Variants in PRKCE observed in about 807,000 individuals in gnomAD.
PRKCE encodes protein kinase C epsilon.
Under a neutral mutation model 85.4 loss-of-function variants are expected in PRKCE, and 16 were observed. The ratio of observed to expected loss-of-function variants is 0.19; its 90% CI spans 0.13 to 0.28. The LOEUF is 0.28. Among genes scored for constraint, PRKCE ranks in the 10% least tolerant of loss-of-function variants. The pLI is 1.00. For missense variants in PRKCE, 573 were observed against 975.2 expected (o/e 0.59, Z 5.49); for synonymous variants, 388 against 371.5 (o/e 1.04, Z -0.51).
At chr2:45,851,404 G>T (rs935881959) in intron 2 of PRKCE, among the ~76,000 whole-genome samples, 4 of 152,176 alleles carry the variant, frequency 2.6e-5, no homozygotes, top group Non-Finnish European at 5.9e-5. Context: ...AGAAATTCCT[G>T]CCCTCATGGG....
intron 10 of PRKCE, among the ~76,000 whole-genome samples, chr2:46,019,175 T>G (rs190734719): frequency 6.6e-6 from 1 of 152,384 alleles, no homozygotes; most frequent in Non-Finnish European, 1.5e-5. Context: ...CTTTATAACA[T>G]TAATGAGAAA....
intron 6 of PRKCE, among the ~76,000 whole-genome samples, chr2:46,000,068 A>G (rs917608744): frequency 4.6e-5 from 7 of 152,108 alleles, no homozygotes; most frequent in Non-Finnish European, 4.4e-5. Flanking sequence ...TCCCAGTCAG[A>G]TAATTCCAGC....
intron 10 of PRKCE, among the ~76,000 whole-genome samples, chr2:46,058,451 T>C (rs565344431): frequency 6.6e-6 from 1 of 152,282 alleles, no homozygotes; most frequent in Non-Finnish European, 1.5e-5. Context: ...CAACCAAACT[T>C]CAACTAAAGA....
chr2:45,716,881 A>T (rs1680169585), intron 1 of PRKCE, among the ~76,000 whole-genome samples: 1 of 152,202 alleles, frequency 6.6e-6, no homozygotes, highest in Admixed American at 6.5e-5. Context: ...TGGCAGCAGA[A>T]AGGAGAAGAA....
intron 2 of PRKCE, among the ~76,000 whole-genome samples, chr2:45,864,375 C>T (rs1248675241): frequency 3.9e-5 from 6 of 152,238 alleles, no homozygotes; most frequent in Non-Finnish European, 8.8e-5. Flanking sequence ...GTCTTAAGTC[C>T]TACCACACCA....
intron 6 of PRKCE, among the ~76,000 whole-genome samples, chr2:45,995,028 C>G (rs1704105778): frequency 6.6e-6 from 1 of 152,152 alleles, no homozygotes; most frequent in Non-Finnish European, 1.5e-5. Flanking sequence ...TTTGTAATTT[C>G]CTAATGACAC....
At chr2:46,032,858 G>A (rs1296811999) in intron 10 of PRKCE, among the ~76,000 whole-genome samples, 1 of 152,214 alleles carries the variant, frequency 6.6e-6, no homozygotes, top group Non-Finnish European at 1.5e-5. Context: ...TCCCAGCTGA[G>A]ACTTCCACAT....
intron 2 of PRKCE, among the ~76,000 whole-genome samples, chr2:45,972,855 G>T (rs931917433): frequency 2.0e-5 from 3 of 152,234 alleles, no homozygotes; most frequent in East Asian, 1.9e-4. Context: ...CTTTAATATG[G>T]TTCCTATCAA....
At chr2:46,121,516 C>A (rs1673312216) in intron 11 of PRKCE, among the ~76,000 whole-genome samples, 1 of 152,180 alleles carries the variant, frequency 6.6e-6, no homozygotes, top group African/African-American at 2.4e-5. Flanking sequence ...GTCTGTACAG[C>A]ATCACACAGT....
At chr2:45,719,228 A>G (rs2104444288) in intron 1 of PRKCE, among the ~76,000 whole-genome samples, 1 of 152,270 alleles carries the variant, frequency 6.6e-6, no homozygotes, top group East Asian at 1.9e-4. Flanking sequence ...CCCCAGCCCT[A>G]CCCCAGCCTC....
intron 1 of PRKCE, among the ~76,000 whole-genome samples, chr2:45,744,481 C>CTT (rs1558623753): frequency 3.9e-3 from 168 of 42,946 alleles, no homozygotes; most frequent in African/African-American, 0.015. Context: ...TTCTTTCTTT[C>CTT]TTTCTTTTTC....
chr2:45,799,488 G>A (rs1687691262), intron 1 of PRKCE, among the ~76,000 whole-genome samples: 1 of 152,122 alleles, frequency 6.6e-6, no homozygotes, highest in Non-Finnish European at 1.5e-5. Context: ...AGGAGTTGGA[G>A]GCTGTTGTGC....
At chr2:45,885,719 G>A (rs957199390) in intron 2 of PRKCE, among the ~76,000 whole-genome samples, 6 of 152,166 alleles carry the variant, frequency 3.9e-5, no homozygotes, top group African/African-American at 1.4e-4. Flanking sequence ...AATTTTGGGG[G>A]TTAGGGCAAC....
chr2:46,125,265 G>C (rs1424095543), intron 11 of PRKCE, among the ~76,000 whole-genome samples: 1 of 152,254 alleles, frequency 6.6e-6, no homozygotes, highest in East Asian at 1.9e-4. Flanking sequence ...TGATAGGAAG[G>C]GAAAATAGGC....
chr2:45,653,446 T>G (rs113294274), intron 1 of PRKCE, among the ~76,000 whole-genome samples: 3,326 of 150,686 alleles, frequency 0.022, 120 homozygotes, highest in African/African-American at 0.076. Flanking sequence ...TTTTGTGTTT[T>G]CAGGTTTGTT....
intron 11 of PRKCE, among the ~76,000 whole-genome samples, chr2:46,103,339 C>T (rs1159744174): frequency 6.6e-6 from 1 of 152,232 alleles, no homozygotes; most frequent in African/African-American, 2.4e-5. Flanking sequence ...AGCCATTTTC[C>T]TAAGGATCCC....
chr2:45,825,618 T>A (rs1019995372), intron 1 of PRKCE, among the ~76,000 whole-genome samples: 1 of 152,188 alleles, frequency 6.6e-6, no homozygotes, highest in South Asian at 2.1e-4. Flanking sequence ...GCCCAGTAGC[T>A]TGCTCCTATA....
At chr2:45,877,013 T>G (rs957710192) in intron 2 of PRKCE, among the ~76,000 whole-genome samples, 1 of 152,238 alleles carries the variant, frequency 6.6e-6, no homozygotes, top group Non-Finnish European at 1.5e-5. Flanking sequence ...TTATGCCTAC[T>G]TATAAAATTA....
intron 1 of PRKCE, among the ~76,000 whole-genome samples, chr2:45,783,976 A>G (rs1163786821): frequency 6.6e-6 from 1 of 152,202 alleles, no homozygotes. Context: ...TTAGGATCCA[A>G]CCTGCAGGGA....
Sources: gnomAD v4.1 joint callset for allele counts (sites outside exome capture counted in the v4.1 genomes callset) on GRCh38, gnomAD v4.1.1 for gene constraint, MANE v1.5 for transcripts, NCBI Gene and HGNC (gene_info 2026-07-23, HGNC 2026-07-21) for gene names.